CCDC22: variants seen among roughly 807,000 people sequenced by gnomAD.
CCDC22 encodes the protein CCC complex scaffolding subunit CCDC22.
In CCDC22, 4 loss-of-function variants were observed where a neutral mutation model predicts 53.1. The ratio of observed to expected loss-of-function variants is 0.08; its 90% CI spans 0.04 to 0.17. The LOEUF (loss-of-function observed/expected upper bound fraction) is 0.17, where lower values mean the gene tolerates loss of function less well. CCDC22 is among the 10% of genes least tolerant of loss of function. CCDC22 has a pLI of 1.00. For synonymous variants in CCDC22, 222 were observed against 224.4 expected, an observed-to-expected ratio of 0.99 and a Z score of 0.10; for missense variants, 458 against 554.0, an observed-to-expected ratio of 0.83 and a Z score of 1.74.
chrX:49,242,754 G>T, intron 3 of CCDC22, 132 bp from the exon 4 acceptor site: 1 of 411,458 alleles, frequency 2.4e-6, no homozygotes, highest in South Asian at 5.6e-5. Context: ...TTGAATGACT[G>T]AACGTGAGAA....
intron 16 of CCDC22, 41 bp from the exon 17 acceptor site, chrX:49,250,107 G>A (rs1557115175): frequency 1.3e-5 from 11 of 832,166 alleles, no homozygotes; most frequent in South Asian, 4.4e-5. Context: ...CTGGGAAAGG[G>A]GCTGTGTGTG....
Position 49,249,713 on chromosome X carries a change from C to A in CCDC22, c.1758C>A (p.Asp586Glu). The change falls in exon 16 of 17, where the codon GAC becomes GAA. Residue 586 changes from aspartate (D) to glutamate (E), a missense_variant. Physicochemically the swap from Asp to Glu is conservative, Grantham distance 45 (BLOSUM62 2). Coordinates refer to ENST00000376227, the MANE Select transcript of CCDC22 (RefSeq NM_014008.5). ...DTGTIMREVR[D>E]LEEQIETELG... ...GCACCATCATGCGGGAGGTTCGAGACCTCGAGGAGCAGGTGAGGCCTGGGG... is the reference window on the plus strand; with the variant it reads ...GCACCATCATGCGGGAGGTTCGAGAACTCGAGGAGCAGGTGAGGCCTGGGG... The A allele has an allele frequency of 5.0e-6, 6 of 1,207,206 alleles. No individual in the cohort carries two copies. Among genetic ancestry groups the A allele is most frequent in the Non-Finnish European group, 6.7e-6 (6 of 892,800 alleles).
At chrX:49,242,861 T>C in intron 3 of CCDC22, 25 bp from the exon 4 acceptor site, 1 of 998,715 alleles carries the variant, frequency 1.0e-6, no homozygotes, top group Non-Finnish European at 1.3e-6. Context: ...TGACATCTGA[T>C]TCACTTCCTC....
chrX:49,249,873 G>A, intron 16 of CCDC22, 148 bp downstream of exon 16: 1 of 543,426 alleles, frequency 1.8e-6, no homozygotes, highest in Non-Finnish European at 3.1e-6. Context: ...ACAGGCAAGT[G>A]GCCTACTGTG....
chrX:49,236,460 C>T (rs782353308), intron 1 of CCDC22, among the ~76,000 whole-genome samples: 7 of 110,490 alleles, frequency 6.3e-5, no homozygotes, highest in Admixed American at 3.9e-4. Context: ...TGCCCGCCTC[C>T]GCCTCCCAAA....
At chrX:49,247,077 T>C in intron 7 of CCDC22, 152 bp downstream of exon 7, 1 of 493,951 alleles carries the variant, frequency 2.0e-6, no homozygotes, top group Non-Finnish European at 3.5e-6. Flanking sequence ...CCCAGAGGGG[T>C]CCCCTAGCTT....
chrX:49,249,615 G>GGGGGGGGGGGGGGGGGGC, intron 15 of CCDC22, 36 bp from the exon 16 acceptor site: 1 of 406,804 alleles, frequency 2.5e-6, no homozygotes, highest in Non-Finnish European at 4.5e-6. Flanking sequence ...GGGTGGGTGG[G>GGGGGGGGGGGGGGGGGGC]ACTGGGTGCA....
In CCDC22 at chrX:49,249,202, C is replaced by T. The variant is rs1268924585; in HGVS notation, c.1575C>T (p.Ile525=). Residue 525 remains isoleucine, a synonymous_variant, in exon 14 of 17, where the codon ATC becomes ATT. Transcript: ENST00000376227. ...ATACGAAGGAGCTTCAGAAGGAAAT[C>T]AACTCCCTATCTGGGAAGCTGGACC... The part of the protein sequence containing the change: ...LSDTKELQKE[I]NSLSGKLDRT... The T allele has an allele frequency of 2.3e-5, 28 of 1,209,420 alleles. No individual in the cohort carries two copies. The highest frequency in any genetic ancestry group is 3.0e-5 in the Non-Finnish European group (27 of 894,285).
chrX:49,248,234 G>A lies in CCDC22; in HGVS notation c.1136G>A (p.Arg379His), dbSNP rs781831984. The A allele has an allele frequency of 1.8e-5, 22 of 1,203,818 alleles. No homozygotes were observed. Among genetic ancestry groups the A allele is most frequent in the Non-Finnish European group, 2.0e-5 (18 of 894,690 alleles). ...CRHSKLSTAEREQALRLKSRA... is the reference protein window; with the variant it reads ...CRHSKLSTAEHEQALRLKSRA... The stretch of plus-strand genomic sequence containing the variant: ...CACAGCAAGCTCAGTACAGCAGAGC[G>A]TGAGCAGGCCCTGCGCCTGAAGAGC... Residue 379 changes from arginine (R) to histidine (H), a missense_variant, in exon 10 of 17, where the codon CGT becomes CAT. Arg to His is a conservative substitution (Grantham distance 29). This residue lies in a region of CCDC22 where 309 missense variants were observed against 312.3 expected (regional missense o/e 0.99). Transcript: ENST00000376227.
chrX:49,249,618 T>TG (rs2066013971), intron 15 of CCDC22, 33 bp from the exon 16 acceptor site: 2 of 588,768 alleles, frequency 3.4e-6, no homozygotes, highest in Non-Finnish European at 5.2e-6. Flanking sequence ...TGGGTGGGAC[T>TG]GGGTGCAAGC....
intron 2 of CCDC22, among the ~76,000 whole-genome samples, chrX:49,237,683 A>T (rs781986816): frequency 9.3e-6 from 1 of 107,809 alleles, no homozygotes; most frequent in East Asian, 2.9e-4. Context: ...TCCAGAAAAT[A>T]CTCTGTCTGG....
chrX:49,244,767 C>G (rs1557113948), intron 6 of CCDC22, among the ~76,000 whole-genome samples: 2 of 111,635 alleles, frequency 1.8e-5, no homozygotes, highest in African/African-American at 6.5e-5. Context: ...GTTGACCAGG[C>G]TGGTCTCGAA....
chrX:49,248,054 CA>C, intron 9 of CCDC22, 136 bp from the exon 10 acceptor site: 2 of 1,101,377 alleles, frequency 1.8e-6, no homozygotes, highest in Non-Finnish European at 2.4e-6. Context: ...TCTGCATGGA[CA>C]GGGGATTAGG....
Position 49,247,764 on chromosome X carries a change from T to C in CCDC22, c.1088T>C (p.Val363Ala). The change falls in exon 9 of 17, where the codon GTG becomes GCG. Residue 363 changes from valine (V) to alanine (A), a missense_variant. Transcript: ENST00000376227. ...ATGAAGACCCTGGGCGTCAGCTTTGTGCAGGTAAGGGGCGGAGGAGGGGCT... is the reference window on the plus strand; with the variant it reads ...ATGAAGACCCTGGGCGTCAGCTTTGCGCAGGTAAGGGGCGGAGGAGGGGCT... ...ADMKTLGVSF[V>A]QAESECRHSK... The C allele has an allele frequency of 8.3e-7, 1 of 1,211,152 alleles. No individual in the cohort carries two copies.
In CCDC22 at chrX:49,241,100, G is replaced by A. The variant is rs143586717; in HGVS notation, c.229-916G>A. ...GGGATTAAGTGATCTGCCTGAGGTC[G>A]TATAGTTGGTAAGAGGCAAAGCTTG... is the stretch of plus-strand genomic sequence containing the variant. On this transcript the variant is annotated intron_variant, in intron 2 of 16. Coordinates refer to ENST00000376227, the MANE Select transcript of CCDC22 (RefSeq NM_014008.5). 8.0e-5 allele frequency among the ~76,000 whole-genome samples: 9 copies of A among 112,137 alleles called. No individual in the cohort carries two copies. In the East Asian group the frequency reaches 8.3e-4, roughly 10 times the overall value.
chrX:49,244,940 T>G (rs1238491356), intron 6 of CCDC22, among the ~76,000 whole-genome samples: 5 of 110,844 alleles, frequency 4.5e-5, no homozygotes, highest in Admixed American at 9.6e-5. Context: ...TGTCCACTTA[T>G]CTGTCCCCTC....
chrX:49,247,136 G>C, intron 7 of CCDC22: 1 of 441,268 alleles, frequency 2.3e-6, no homozygotes, highest in South Asian at 3.5e-5. Context: ...ACCATGCAAA[G>C]GTGTGGGGGT....
chrX:49,248,232 G>C lies in CCDC22; in HGVS notation c.1134G>C (p.Glu378Asp), dbSNP rs199995957. The change falls in exon 10 of 17, where the codon GAG becomes GAC. Residue 378 changes from glutamate (E) to aspartate (D), a missense_variant. Coordinates refer to ENST00000376227, the MANE Select transcript of CCDC22 (RefSeq NM_014008.5). ...GGCACAGCAAGCTCAGTACAGCAGA[G>C]CGTGAGCAGGCCCTGCGCCTGAAGA... Reference protein sequence around the residue: ...ECRHSKLSTAEREQALRLKSR... With the variant: ...ECRHSKLSTADREQALRLKSR... 476 of 1,203,646 alleles carry C rather than the reference G, an allele frequency of 4.0e-4. No individual in the cohort carries two copies. The highest frequency in any genetic ancestry group is 4.9e-4 in the Non-Finnish European group (435 of 894,762).
At chrX:49,248,062 TA>T (rs1374102174) in intron 9 of CCDC22, 128 bp from the exon 10 acceptor site, 11 of 1,123,526 alleles carry the variant, frequency 9.8e-6, no homozygotes, top group Admixed American at 4.7e-5. Flanking sequence ...GACAGGGGAT[TA>T]GGGGGTCCTC....
Sources: gnomAD v4.1 joint callset for allele counts (sites outside exome capture counted in the v4.1 genomes callset) on GRCh38, gnomAD v4.1.1 for gene constraint, gnomAD v4.1.1 regional missense constraint, MANE v1.5 for transcripts, NCBI Gene and HGNC (gene_info 2026-07-23, HGNC 2026-07-21) for gene names.